The following GRIN2A variants were observed in gnomAD, a reference collection of about 807,000 sequenced individuals.
The protein encoded by GRIN2A is glutamate receptor ionotropic, NMDA 2A.
A neutral mutation model predicts 113.4 loss-of-function variants in GRIN2A; 22 were observed. That is an observed-to-expected ratio of 0.19 (90% CI 0.14 to 0.28). The LOEUF (loss-of-function observed/expected upper bound fraction) is 0.28, where lower values mean the gene tolerates loss of function less well. Ranked by LOEUF, GRIN2A falls within the 10% of genes least tolerant of loss-of-function variation. The probability of loss-of-function intolerance (pLI) is 1.00; values close to 1 mark genes in which losing one functional copy is unlikely to be tolerated. For missense variants in GRIN2A, 1,502 were observed against 1,887.0 expected, an observed-to-expected ratio of 0.80 and a Z score of 3.78; for synonymous variants, 827 against 738.4, an observed-to-expected ratio of 1.12 and a Z score of -1.94.
At chr16:10,101,527 G>C (rs1010184803) in intron 2 of GRIN2A, among the ~76,000 whole-genome samples, 1 of 151,982 alleles carries the variant, frequency 6.6e-6, no homozygotes, top group African/African-American at 2.4e-5. Flanking sequence ...TTGGGGCTTC[G>C]AGAAAGATTG....
chr16:10,014,255 A>G (rs1215153902), intron 2 of GRIN2A, among the ~76,000 whole-genome samples: 1 of 152,206 alleles, frequency 6.6e-6, no homozygotes, highest in African/African-American at 2.4e-5. Flanking sequence ...CCCCTTCTCA[A>G]CCTGGCACTT....
chr16:10,146,212 G>T (rs960646744), intron 2 of GRIN2A, among the ~76,000 whole-genome samples: 1 of 152,118 alleles, frequency 6.6e-6, no homozygotes, highest in Non-Finnish European at 1.5e-5. Flanking sequence ...CCACCTCCCG[G>T]GTTCAAGCAA....
intron 9 of GRIN2A, among the ~76,000 whole-genome samples, chr16:9,828,668 A>G (rs1005419975): frequency 3.3e-5 from 5 of 152,120 alleles, no homozygotes; most frequent in African/African-American, 4.8e-5. Flanking sequence ...TTCTTCCTCA[A>G]TGTGTGTTTC....
intron 9 of GRIN2A, among the ~76,000 whole-genome samples, chr16:9,825,304 C>T (rs538286873): frequency 3.3e-5 from 5 of 152,296 alleles, no homozygotes; most frequent in African/African-American, 9.6e-5. Context: ...TGAAAGAACA[C>T]CTGGCATCCT....
Position 9,890,973 on chromosome 16 carries a change from G to T in GRIN2A, c.1122+13C>A. ...TTCCCTCCCCTGCATTCAGCACACA[G>T]AAGGATGCTCACCTTTTCCCATTCC... On this transcript the variant is annotated intron_variant, in intron 4 of 12. Transcript: ENST00000330684. The T allele has an allele frequency of 1.5e-5, 23 of 1,521,062 alleles. No individual in the cohort carries two copies. The highest frequency in any genetic ancestry group is 2.0e-5 in the Non-Finnish European group (22 of 1,095,070). 94.2% of individuals were successfully genotyped at this position (1,521,062 alleles called of 1,614,324 possible).
chr16:10,105,278 C>G (rs1376184611), intron 2 of GRIN2A, among the ~76,000 whole-genome samples: 2 of 152,118 alleles, frequency 1.3e-5, no homozygotes, highest in Admixed American at 1.3e-4. Context: ...AAAATCCTTG[C>G]CCTTTAATGA....
intron 2 of GRIN2A, among the ~76,000 whole-genome samples, chr16:10,022,406 T>C (rs1032295167): frequency 2.6e-5 from 4 of 151,934 alleles, no homozygotes; most frequent in Non-Finnish European, 5.9e-5. Context: ...CACCTTGACA[T>C]GTCTACAAAT....
chr16:10,079,561 A>G (rs1596484359), intron 2 of GRIN2A, among the ~76,000 whole-genome samples: 1 of 152,318 alleles, frequency 6.6e-6, no homozygotes, highest in East Asian at 1.9e-4. Flanking sequence ...AATGATATTC[A>G]TGCCCTGATA....
At chr16:10,112,716 A>C in intron 2 of GRIN2A, 2 of 740,378 alleles carry the variant, frequency 2.7e-6, no homozygotes, top group East Asian at 5.1e-5. Context: ...CTCGGCCTCC[A>C]TCCAGGACAA....
At chr16:10,025,468 T>C (rs995149603) in intron 2 of GRIN2A, among the ~76,000 whole-genome samples, 1 of 151,876 alleles carries the variant, frequency 6.6e-6, no homozygotes, top group Non-Finnish European at 1.5e-5. Context: ...CATCTGACTA[T>C]TTTTTCTTTT....
intron 4 of GRIN2A, among the ~76,000 whole-genome samples, chr16:9,870,953 T>A (rs1315047554): frequency 6.6e-6 from 1 of 152,130 alleles, no homozygotes; most frequent in African/African-American, 2.4e-5. Flanking sequence ...AACTTTCAAA[T>A]TTAAGGACTA....
chr16:10,025,080 G>A (rs920283125), intron 2 of GRIN2A, among the ~76,000 whole-genome samples: 1 of 151,982 alleles, frequency 6.6e-6, no homozygotes. Flanking sequence ...GATGAGAGGA[G>A]ATGGAGAGGA....
At chr16:9,962,984 A>AG (rs2045472902) in intron 2 of GRIN2A, among the ~76,000 whole-genome samples, 1 of 151,920 alleles carries the variant, frequency 6.6e-6, no homozygotes, top group Non-Finnish European at 1.5e-5. Context: ...GCATGGATGA[A>AG]GCTGGAAACC....
rs957920781 is a variant in GRIN2A, at chr16:10,123,284, C to T, written c.414+56714G>A. ...AGCAACCCTGGCTCGGGGCTCCCTG[C>T]GTACTTAGATGTAATACTATGTCAA... On this transcript the variant is annotated intron_variant, in intron 2 of 12. Coordinates refer to ENST00000330684, the MANE Select transcript of GRIN2A (RefSeq NM_001134407.3). 6.6e-5 allele frequency among the ~76,000 whole-genome samples: 10 copies of T among 152,272 alleles called. No individual in the cohort carries two copies. The Middle Eastern group carries it at 0.01, about 155-fold the overall frequency.
intron 4 of GRIN2A, among the ~76,000 whole-genome samples, chr16:9,873,334 C>T (rs975618089): frequency 3.3e-5 from 5 of 152,100 alleles, no homozygotes; most frequent in African/African-American, 9.7e-5. Context: ...CTTGTATACC[C>T]CATACATTTA....
At chr16:9,996,162 G>A (rs1362332623) in intron 2 of GRIN2A, among the ~76,000 whole-genome samples, 2 of 151,960 alleles carry the variant, frequency 1.3e-5, no homozygotes, top group Non-Finnish European at 2.9e-5. Context: ...TAAAAGAATG[G>A]GATAAGTTGA....
At chr16:10,096,424 T>C (rs1172989659) in intron 2 of GRIN2A, among the ~76,000 whole-genome samples, 1 of 152,174 alleles carries the variant, frequency 6.6e-6, no homozygotes, top group Non-Finnish European at 1.5e-5. Context: ...ACCTGTGCTT[T>C]AATCAGGCAT....
At chr16:10,179,755 G>GCA (rs947255801) in intron 2 of GRIN2A, 13 of 553,946 alleles carry the variant, frequency 2.3e-5, no homozygotes, top group African/African-American at 5.7e-5. Context: ...GCGCTTCCTG[G>GCA]CACACACACA....
In GRIN2A at chr16:9,761,522, C is replaced by T; in HGVS notation, c.*1627G>A. The T allele has an allele frequency of 4.4e-6, 1 of 229,122 alleles. No individual in the cohort carries two copies. The highest frequency in any genetic ancestry group is 8.6e-6 in the Non-Finnish European group (1 of 115,624). 14.2% of individuals were successfully genotyped at this position (229,122 alleles called of 1,614,324 possible). ...CATGTACATGAAATACACTAATTAA[C>T]AGAGTAGAACTATATAAAAGGTTTA... On this transcript the variant is annotated 3_prime_UTR_variant, in exon 13 of 13. Transcript: ENST00000330684.
Sources: gnomAD v4.1 joint callset for allele counts (sites outside exome capture counted in the v4.1 genomes callset) on GRCh38, gnomAD v4.1.1 for gene constraint, MANE v1.5 for transcripts, NCBI Gene and HGNC (gene_info 2026-07-23, HGNC 2026-07-21) for gene names.